Variants in MS4A18 observed in about 807,000 individuals in gnomAD.
The protein encoded by MS4A18 is membrane spanning 4-domains A18.
Under a neutral mutation model 13.1 loss-of-function variants are expected in MS4A18, and 27 were observed. That is an observed-to-expected ratio of 2.06 (90% CI 1.52 to 2.84). MS4A18 has a LOEUF of 2.84. MS4A18 is among the 30% of genes most tolerant of loss of function. The probability of loss-of-function intolerance (pLI) is 0.00; values close to 1 mark genes in which losing one functional copy is unlikely to be tolerated. For synonymous variants in MS4A18, 126 were observed against 76.5 expected (o/e 1.65, Z -3.38); for missense variants, 307 against 196.4 (o/e 1.56, Z -3.37).
exon 1 of MS4A18, chr11:60,729,479 G>A: frequency 1.4e-6 from 1 of 702,798 alleles, no homozygotes; most frequent in South Asian, 1.5e-5. Flanking sequence ...TGTGATACAG[G>A]AAGAGCAAAC....
intron 2 of MS4A18, among the ~76,000 whole-genome samples, chr11:60,736,710 A>T (rs1295365203): frequency 6.6e-6 from 1 of 152,224 alleles, no homozygotes; most frequent in Non-Finnish European, 1.5e-5. Context: ...TGAGATTTAC[A>T]GCATCCTGGG....
chr11:60,744,141 C>T (rs1272411897), exon 6 of MS4A18: 2 of 598,238 alleles, frequency 3.3e-6, no homozygotes, highest in Non-Finnish European at 6.0e-6. Flanking sequence ...ATTTCCTCTC[C>T]TCTTCACTCC....
chr11:60,729,274 G>C (rs1016275600), upstream of MS4A18: 42 of 679,186 alleles, frequency 6.2e-5, no homozygotes, highest in Non-Finnish European at 5.7e-5. Context: ...TGTCAGAAGA[G>C]GGAAATGCAC....
intron 1 of MS4A18, among the ~76,000 whole-genome samples, chr11:60,730,164 T>A (rs1157376108): frequency 3.3e-5 from 5 of 152,254 alleles, no homozygotes; most frequent in Non-Finnish European, 5.9e-5. Context: ...CATCTCTTCC[T>A]CGCTCTGGGC....
At chr11:60,736,052 T>C (rs1246206791) in intron 2 of MS4A18, among the ~76,000 whole-genome samples, 1 of 152,154 alleles carries the variant, frequency 6.6e-6, no homozygotes, top group African/African-American at 2.4e-5. Flanking sequence ...CGCATATACA[T>C]GGAATAATCC....
At chr11:60,734,876 G>A (rs1422011827) in intron 2 of MS4A18, among the ~76,000 whole-genome samples, 1 of 151,764 alleles carries the variant, frequency 6.6e-6, no homozygotes. Context: ...CTGCCTCCTG[G>A]GTTCAAGAAA....
At chr11:60,744,213 G>C (rs1488727881), downstream of MS4A18, 2 of 540,082 alleles carry the variant, frequency 3.7e-6, no homozygotes, top group Admixed American at 6.7e-5. Flanking sequence ...TTTTCCTTTG[G>C]CTCTCAGTAT....
intron 4 of MS4A18, among the ~76,000 whole-genome samples, chr11:60,739,488 GAAGT>G (rs941887212): frequency 1.8e-4 from 28 of 152,150 alleles, no homozygotes; most frequent in Non-Finnish European, 3.7e-4. Context: ...GAGGAGGGAA[GAAGT>G]AAGACAAACA....
Position 60,737,426 on chromosome 11 carries a change from A to G in MS4A18, c.648+392A>G, listed in dbSNP as rs565428754. Among the ~76,000 whole-genome samples, 10 of 152,340 alleles carry G rather than the reference A, an allele frequency of 6.6e-5. No homozygotes were observed. The South Asian group carries it at 1.4e-3, about 22-fold the overall frequency. Reference sequence around the variant, plus strand: ...TTATGGGTGCTCTGAATTAAGCAGAAAGCCAGGCCTGAGCCAAACGAAAAT... The same window carrying G: ...TTATGGGTGCTCTGAATTAAGCAGAGAGCCAGGCCTGAGCCAAACGAAAAT... On this transcript the variant is annotated intron_variant, in intron 3 of 5. Coordinates refer to ENST00000529108, the Ensembl canonical transcript of MS4A18.
At chr11:60,739,063 C>A in intron 4 of MS4A18, 66 bp downstream of exon 5, 2 of 691,752 alleles carry the variant, frequency 2.9e-6, no homozygotes, top group Admixed American at 2.1e-5. Context: ...GGTTGCCTCC[C>A]CAGAGCAGAA....
chr11:60,731,840 A>G (rs570364678), intron 1 of MS4A18, among the ~76,000 whole-genome samples: 4 of 152,312 alleles, frequency 2.6e-5, no homozygotes, highest in South Asian at 2.1e-4. Context: ...TATTTTCACA[A>G]TGAAAATCAG....
chr11:60,740,651 G>T (rs1239687861), intron 4 of MS4A18, among the ~76,000 whole-genome samples: 1 of 152,162 alleles, frequency 6.6e-6, no homozygotes, highest in Non-Finnish European at 1.5e-5. Context: ...TCTGGGAGAG[G>T]AAGCAAACAC....
chr11:60,732,704 C>G (rs919056026), intron 1 of MS4A18, among the ~76,000 whole-genome samples: 1 of 142,876 alleles, frequency 7.0e-6, no homozygotes, highest in Non-Finnish European at 1.5e-5. Flanking sequence ...GCACTCCAGC[C>G]TGGGCGACAG....
upstream of MS4A18, among the ~76,000 whole-genome samples, chr11:60,726,133 T>G (rs1399980150): frequency 2.0e-5 from 3 of 152,230 alleles, no homozygotes; most frequent in African/African-American, 7.2e-5. Context: ...GATCTATTCC[T>G]GTGGGTTGCA....
chr11:60,734,633 G>A (rs2134677034), intron 2 of MS4A18, among the ~76,000 whole-genome samples: 1 of 152,244 alleles, frequency 6.6e-6, no homozygotes, highest in Non-Finnish European at 1.5e-5. Context: ...CATAAAGATA[G>A]AAAAAGCAGC....
chr11:60,740,059 C>A (rs1281301134), intron 4 of MS4A18, among the ~76,000 whole-genome samples: 1 of 152,162 alleles, frequency 6.6e-6, no homozygotes, highest in Non-Finnish European at 1.5e-5. Context: ...AAGATGCTGG[C>A]CTCTGGAGTC....
At chr11:60,729,539 G>A (rs1212242529) in exon 1 of MS4A18, 1 of 702,780 alleles carries the variant, frequency 1.4e-6, no homozygotes, top group East Asian at 2.7e-5. Context: ...GGTGTACAGA[G>A]TCAACCCATT....
At chr11:60,739,441 T>A (rs564988868) in intron 4 of MS4A18, among the ~76,000 whole-genome samples, 35 of 152,076 alleles carry the variant, frequency 2.3e-4, no homozygotes, top group Non-Finnish European at 4.9e-4. Flanking sequence ...CAGGTGCAAG[T>A]CGTGTATTTC....
intron 1 of MS4A18, among the ~76,000 whole-genome samples, chr11:60,732,468 C>T (rs1409133755): frequency 6.6e-6 from 1 of 151,782 alleles, no homozygotes; most frequent in South Asian, 2.1e-4. Context: ...GGTGGCTCAC[C>T]CCTGTAATCC....
Sources: allele counts gnomAD v4.1 joint callset (sites outside exome capture counted in the v4.1 genomes callset), GRCh38; gene constraint gnomAD v4.1.1; transcripts MANE v1.5; gene names NCBI Gene and HGNC (gene_info 2026-07-23, HGNC 2026-07-21).